The following CDH12 variants were observed in gnomAD, a reference collection of about 807,000 sequenced individuals.
The protein encoded by CDH12 is cadherin 12, also known as cadherin-12.
A neutral mutation model predicts 74.1 loss-of-function variants in CDH12; 41 were observed. That is an observed-to-expected ratio of 0.55 (90% CI 0.43 to 0.72). The LOEUF is 0.72. Among genes scored for constraint, CDH12 ranks in the 30% least tolerant of loss-of-function variants. The pLI is 0.00. For missense variants in CDH12, 945 were observed against 977.2 expected (o/e 0.97, Z 0.44); for synonymous variants, 399 against 355.0 (o/e 1.12, Z -1.39).
intron 7 of CDH12, among the ~76,000 whole-genome samples, chr5:21,848,379 T>A (rs922123422): frequency 6.6e-6 from 1 of 151,940 alleles, no homozygotes; most frequent in African/African-American, 2.4e-5. Flanking sequence ...AAAAGAGTAA[T>A]GATAGTACTC....
intron 4 of CDH12, among the ~76,000 whole-genome samples, chr5:22,111,939 T>G (rs1188626130): frequency 6.6e-6 from 1 of 152,134 alleles, no homozygotes; most frequent in East Asian, 1.9e-4. Flanking sequence ...CATAGTAAAG[T>G]TAAAATAAGA....
intron 2 of CDH12, among the ~76,000 whole-genome samples, chr5:22,487,576 CAAAAT>C (rs527689762): frequency 3.2e-4 from 49 of 151,940 alleles, no homozygotes; most frequent in African/African-American, 1.1e-3. Flanking sequence ...AAAACAAAAA[CAAAAT>C]AAAAACAGAA....
intron 8 of CDH12, among the ~76,000 whole-genome samples, chr5:21,818,250 G>A (rs1377069179): frequency 3.0e-5 from 3 of 100,466 alleles, no homozygotes; most frequent in South Asian, 4.2e-4. Flanking sequence ...TGATTCATTC[G>A]TTTTAGAATT....
intron 5 of CDH12, among the ~76,000 whole-genome samples, chr5:22,048,051 G>T (rs992735078): frequency 1.3e-5 from 2 of 152,138 alleles, no homozygotes; most frequent in African/African-American, 4.8e-5. Flanking sequence ...GTTTGCAGGG[G>T]TAGGGGTGTG....
chr5:22,057,115 G>T (rs906129897), intron 5 of CDH12, among the ~76,000 whole-genome samples: 9 of 152,122 alleles, frequency 5.9e-5, no homozygotes, highest in African/African-American at 2.4e-5. Flanking sequence ...AGCATTTTAG[G>T]TGTTATGAGT....
intron 1 of CDH12, among the ~76,000 whole-genome samples, chr5:22,762,155 G>A (rs944425046): frequency 6.6e-6 from 1 of 152,046 alleles, no homozygotes; most frequent in African/African-American, 2.4e-5. Flanking sequence ...CGAAATGTAT[G>A]TAATGTGTAT....
intron 3 of CDH12, among the ~76,000 whole-genome samples, chr5:22,401,518 T>C (rs924495460): frequency 6.6e-5 from 10 of 152,190 alleles, no homozygotes; most frequent in African/African-American, 2.4e-4. Context: ...TGTAAAAACA[T>C]GGCAGCACTC....
intron 3 of CDH12, among the ~76,000 whole-genome samples, chr5:22,347,388 A>G (rs190127682): frequency 0.011 from 1,616 of 152,286 alleles, 17 homozygotes; most frequent in Non-Finnish European, 0.015. Flanking sequence ...GCCCTTGAGC[A>G]TCGGACTCCA....
At chr5:22,527,523 G>A (rs1156689035) in intron 1 of CDH12, among the ~76,000 whole-genome samples, 1 of 152,134 alleles carries the variant, frequency 6.6e-6, no homozygotes, top group East Asian at 1.9e-4. Flanking sequence ...TGCTTTGAGT[G>A]TGCTGCCCAT....
At chr5:21,851,441 T>C (rs1750461615) in intron 7 of CDH12, among the ~76,000 whole-genome samples, 1 of 150,608 alleles carries the variant, frequency 6.6e-6, no homozygotes, top group African/African-American at 2.4e-5. Context: ...ATAAATATTT[T>C]ATAAACATTA....
At chr5:22,787,709 A>G (rs1001746730) in intron 1 of CDH12, among the ~76,000 whole-genome samples, 1 of 152,182 alleles carries the variant, frequency 6.6e-6, no homozygotes, top group Non-Finnish European at 1.5e-5. Flanking sequence ...CAATCATGGT[A>G]GTAGCTCTCG....
chr5:22,090,542 TTTAACA>T (rs1743350732), intron 4 of CDH12, among the ~76,000 whole-genome samples: 1 of 149,668 alleles, frequency 6.7e-6, no homozygotes, highest in African/African-American at 2.4e-5. Context: ...CTATGCGACC[TTTAACA>T]TTACAATACT....
At chr5:22,599,144 C>G (rs1290543161) in intron 1 of CDH12, among the ~76,000 whole-genome samples, 1 of 152,138 alleles carries the variant, frequency 6.6e-6, no homozygotes, top group South Asian at 2.1e-4. Flanking sequence ...TATCCTACAC[C>G]TATATATGGT....
At chr5:22,150,318 T>C (rs1463984062) in intron 4 of CDH12, among the ~76,000 whole-genome samples, 2 of 152,126 alleles carry the variant, frequency 1.3e-5, no homozygotes, top group East Asian at 1.9e-4. Context: ...TTTGTTTCAC[T>C]ATTTTAAATG....
chr5:21,813,059 G>GTACCA (rs1359189753), intron 9 of CDH12, among the ~76,000 whole-genome samples: 1 of 152,082 alleles, frequency 6.6e-6, no homozygotes, highest in Non-Finnish European at 1.5e-5. Flanking sequence ...CTCTGTTGCT[G>GTACCA]TACCATCACG....
intron 10 of CDH12, among the ~76,000 whole-genome samples, chr5:21,795,350 CTG>C (rs1448796466): frequency 6.6e-6 from 1 of 151,806 alleles, no homozygotes; most frequent in Non-Finnish European, 1.5e-5. Context: ...AAGGAAGTAA[CTG>C]TGTTGATTTT....
chr5:22,261,569 T>C (rs1485330942), intron 3 of CDH12, among the ~76,000 whole-genome samples: 1 of 152,032 alleles, frequency 6.6e-6, no homozygotes, highest in Non-Finnish European at 1.5e-5. Flanking sequence ...TCATATAAGG[T>C]CACAGTCTGA....
chr5:22,811,097 G>T (rs929908457), intron 1 of CDH12, among the ~76,000 whole-genome samples: 15 of 150,840 alleles, frequency 9.9e-5, no homozygotes, highest in Admixed American at 7.3e-4. Flanking sequence ...ACACGTATAT[G>T]TACATATGTA....
chr5:22,373,224 A>C (rs1489971021), intron 3 of CDH12, among the ~76,000 whole-genome samples: 1 of 152,252 alleles, frequency 6.6e-6, no homozygotes, highest in East Asian at 1.9e-4. Flanking sequence ...CCAGAGTCTG[A>C]GATCAGGACA....
Sources: gnomAD v4.1 joint callset for allele counts (sites outside exome capture counted in the v4.1 genomes callset) on GRCh38, gnomAD v4.1.1 for gene constraint, MANE v1.5 for transcripts, NCBI Gene and HGNC (gene_info 2026-07-23, HGNC 2026-07-21) for gene names.